CFAP70: variants seen among roughly 807,000 people sequenced by gnomAD.
CFAP70 encodes the protein cilia- and flagella-associated protein 70.
In CFAP70, 81 loss-of-function variants were observed where a neutral mutation model predicts 137.6. The observed-to-expected ratio is 0.59, with a 90% confidence interval of 0.49 to 0.71. The LOEUF (loss-of-function observed/expected upper bound fraction) is 0.71, where lower values mean the gene tolerates loss of function less well. Ranked by LOEUF, CFAP70 falls within the 30% of genes least tolerant of loss-of-function variation. The pLI is 0.00. For missense variants in CFAP70, 976 were observed against 1,226.7 expected (o/e 0.80, Z 3.05); for synonymous variants, 382 against 423.6 (o/e 0.90, Z 1.20).
intron 23 of CFAP70, among the ~76,000 whole-genome samples, chr10:73,273,322 C>T (rs2046451080): frequency 6.6e-6 from 1 of 152,326 alleles, no homozygotes; most frequent in South Asian, 2.1e-4. Flanking sequence ...TATCTGAATT[C>T]CACCTCCACT....
exon 23 of CFAP70, chr10:73,274,457 C>A (rs1433446989): frequency 1.2e-6 from 2 of 1,613,396 alleles, no homozygotes; most frequent in Admixed American, 3.3e-5. Context: ...GATAGATGAG[C>A]CCCAGTCTCA....
upstream of CFAP70, chr10:73,358,839 C>A (rs1364435680): frequency 6.6e-6 from 1 of 152,302 alleles, no homozygotes; most frequent in Non-Finnish European, 1.5e-5. Flanking sequence ...GGGCCGGGAG[C>A]AGGGAGCGAG....
chr10:73,301,621 G>C (rs2048962839), intron 12 of CFAP70, among the ~76,000 whole-genome samples: 1 of 152,070 alleles, frequency 6.6e-6, no homozygotes, highest in Non-Finnish European at 1.5e-5. Flanking sequence ...CATGATGGTT[G>C]AGAGGAAAAG....
At chr10:73,256,232 G>A (rs1589224524) in intron 26 of CFAP70, 137 bp downstream of exon 27, 4 of 938,130 alleles carry the variant, frequency 4.3e-6, no homozygotes, top group South Asian at 3.2e-5. Context: ...GCAGCCCCAC[G>A]ATAATGGCAA....
chr10:73,353,570 T>A, exon 3 of CFAP70: 1 of 1,614,124 alleles, frequency 6.2e-7, no homozygotes, highest in Non-Finnish European at 8.5e-7. Context: ...CACAGGTTTG[T>A]GAGCGAGGTC....
chr10:73,339,047 C>G (rs2052988426), intron 6 of CFAP70, among the ~76,000 whole-genome samples: 1 of 151,774 alleles, frequency 6.6e-6, no homozygotes, highest in Admixed American at 6.6e-5. Context: ...GCCTCCCAAG[C>G]AGCTGGAATT....
chr10:73,332,007 G>A (rs540881883), intron 7 of CFAP70, among the ~76,000 whole-genome samples: 7 of 152,206 alleles, frequency 4.6e-5, no homozygotes, highest in South Asian at 2.1e-4. Flanking sequence ...AAAGTTGATC[G>A]AATTGAAATA....
rs910841264 is a variant in CFAP70, at chr10:73,293,195, T to A, written c.1770+68A>T. 2.5e-5 allele frequency: 38 copies of A among 1,503,260 alleles called. No homozygotes were observed. The African/African-American group carries it at 4.7e-4, about 19-fold the overall frequency. The allele number at this position is 1,503,260 out of a possible 1,614,324, so 93.1% of individuals were successfully genotyped here. ...ACCAATCAAGTTGGATTTTAAACAA[T>A]CAAAAATTACTATTATGCCCATATT... On this transcript the variant is annotated intron_variant, in intron 16 of 26. Coordinates refer to ENST00000310715, the Ensembl canonical transcript of CFAP70.
chr10:73,276,347 C>T (rs1204201736), intron 21 of CFAP70: 1 of 152,122 alleles, frequency 6.6e-6, no homozygotes, highest in Non-Finnish European at 1.5e-5. Flanking sequence ...TCCCACTGTT[C>T]CCATCTCAGC....
chr10:73,259,800 G>A (rs2044958672), intron 25 of CFAP70, among the ~76,000 whole-genome samples: 1 of 152,118 alleles, frequency 6.6e-6, no homozygotes, highest in African/African-American at 2.4e-5. Flanking sequence ...CAAGGCTGAG[G>A]GGGAAAGATC....
Position 73,277,452 on chromosome 10 carries a change from C to A in CFAP70, c.2399-91G>T, listed in dbSNP as rs1438109272. On this transcript the variant is annotated intron_variant, in intron 20 of 26. Coordinates refer to ENST00000310715, the Ensembl canonical transcript of CFAP70. ...ACATTCGGGTGGGTGCGGTGGCTCA[C>A]GCCTGTAATCCCAGCACTTTGGGAG... is the stretch of plus-strand genomic sequence containing the variant. 8 of 1,406,876 alleles carry A rather than the reference C, an allele frequency of 5.7e-6. No individual in the cohort carries two copies. The East Asian group carries it at 1.8e-4, about 31-fold the overall frequency. 87.1% of individuals were successfully genotyped at this position (1,406,876 alleles called of 1,614,324 possible). A position where few individuals can be genotyped will look rare whatever the true frequency, so the allele number is the denominator to read the frequency against.
chr10:73,353,193 T>C (rs762937322), intron 3 of CFAP70, among the ~76,000 whole-genome samples: 2 of 152,228 alleles, frequency 1.3e-5, no homozygotes, highest in Non-Finnish European at 2.9e-5. Flanking sequence ...CAGATTTTAT[T>C]TTCCTGGTCC....
At chr10:73,360,447 G>A (rs1446424360), upstream of CFAP70, among the ~76,000 whole-genome samples, 1 of 152,286 alleles carries the variant, frequency 6.6e-6, no homozygotes, top group African/African-American at 2.4e-5. Flanking sequence ...TCTGAGTGCA[G>A]GGGACATGGG....
At chr10:73,336,708 G>A (rs1054075967) in intron 6 of CFAP70, among the ~76,000 whole-genome samples, 1 of 149,428 alleles carries the variant, frequency 6.7e-6, no homozygotes, top group Non-Finnish European at 1.5e-5. Context: ...CTCAGCCTCT[G>A]TGGAGTAGCT....
chr10:73,310,308 G>A, intron 11 of CFAP70, 59 bp from the exon 13 acceptor site: 1 of 1,213,462 alleles, frequency 8.2e-7, no homozygotes, highest in Non-Finnish European at 1.2e-6. Context: ...GAAAAATTTA[G>A]TAACATAAGA....
intron 20 of CFAP70, 94 bp downstream of exon 21, chr10:73,278,085 A>G: frequency 7.7e-7 from 1 of 1,304,672 alleles, no homozygotes; most frequent in Non-Finnish European, 1.1e-6. Flanking sequence ...ATCAACTTCA[A>G]ACAAGTCAGG....
rs190495918 is a variant in CFAP70, at chr10:73,306,882, G to A, written c.1256+3276C>T. Among the ~76,000 whole-genome samples the A allele has an allele frequency of 1.9e-3, 286 of 152,302 alleles. 2 individuals are homozygous for A. The highest frequency in any genetic ancestry group is 6.5e-3 in the African/African-American group (270 of 41,560). On this transcript the variant is annotated intron_variant, in intron 12 of 26. Coordinates refer to ENST00000310715, the Ensembl canonical transcript of CFAP70. Reference sequence around the variant, plus strand: ...GGCTGAAATGACAGGACACTAGTCAGTAACTTGAAGTCAGATGAAGGAATA... The same window carrying A: ...GGCTGAAATGACAGGACACTAGTCAATAACTTGAAGTCAGATGAAGGAATA...
chr10:73,253,908 G>T, exon 27 of CFAP70: 1 of 1,311,912 alleles, frequency 7.6e-7, no homozygotes, highest in Non-Finnish European at 1.1e-6. Flanking sequence ...GGCTTCATAC[G>T]GTAAAACTCT....
At chr10:73,357,241 T>G (rs1291826833) in intron 1 of CFAP70, among the ~76,000 whole-genome samples, 1 of 152,208 alleles carries the variant, frequency 6.6e-6, no homozygotes, top group African/African-American at 2.4e-5. Context: ...AATCTCTATT[T>G]GATTGAAAAA....
Sources: gnomAD v4.1 joint callset for allele counts (sites outside exome capture counted in the v4.1 genomes callset) on GRCh38, gnomAD v4.1.1 for gene constraint, MANE v1.5 for transcripts, NCBI Gene and HGNC (gene_info 2026-07-23, HGNC 2026-07-21) for gene names.